The following LTBP3 variants were observed in gnomAD, a reference collection of about 807,000 sequenced individuals.
LTBP3 encodes latent-transforming growth factor beta-binding protein 3.
In LTBP3, 97 loss-of-function variants were observed where a neutral mutation model predicts 159.7. The observed-to-expected ratio is 0.61, with a 90% CI of 0.52 to 0.72. The LOEUF is 0.72. LTBP3 is among the 30% of genes least tolerant of loss of function. LTBP3 has a pLI of 0.00. For synonymous variants in LTBP3, 824 were observed against 777.1 expected (o/e 1.06, Z -1.00); for missense variants, 1,584 against 1,864.3 (o/e 0.85, Z 2.77).
In LTBP3 at chr11:65,551,764, A is replaced by G; in HGVS notation, c.1532-200T>C. ...TGATCAGGTTGAATGGCCTTGGGTT[A>G]CAGGTCAGGCTGTAGAAGGCTTAGG... is the stretch of plus-strand genomic sequence containing the variant. On this transcript the variant is annotated intron_variant, in intron 8 of 27. Coordinates refer to ENST00000301873, the MANE Select transcript of LTBP3 (RefSeq NM_001130144.3). 5 of 893,366 alleles carry G rather than the reference A, an allele frequency of 5.6e-6. No homozygotes were observed. In the South Asian group the frequency reaches 7.2e-5, roughly 13 times the overall value. 55.3% of individuals were successfully genotyped at this position (893,366 alleles called of 1,614,324 possible).
At chr11:65,545,466 C>T (rs746703194) in intron 16 of LTBP3, 41 of 231,946 alleles carry the variant, frequency 1.8e-4, no homozygotes, top group Non-Finnish European at 3.2e-4. Context: ...CCCAAACATG[C>T]CCACGCATGA....
chr11:65,549,754 C>CT (rs1420946269), intron 11 of LTBP3, among the ~76,000 whole-genome samples: 2 of 68,192 alleles, frequency 2.9e-5, no homozygotes, highest in Non-Finnish European at 3.1e-5. Flanking sequence ...CTCCCCAGGC[C>CT]GGGAAAAAAA....
At position 65,539,726 on chromosome 11, in the gene LTBP3, C is replaced by T. The variant is rs755762566; in HGVS notation, c.3541G>A (p.Gly1181Ser). 17 of 1,549,368 alleles carry T rather than the reference C, an allele frequency of 1.1e-5. No individual in the cohort carries two copies. The highest frequency in any genetic ancestry group is 1.7e-4 in the Middle Eastern group (1 of 5,970). The change falls in exon 25 of 28, where the codon GGC becomes AGC. Residue 1181 changes from glycine (G) to serine (S), a missense_variant. Transcript: ENST00000301873. ...TCCTCCCCGACTGCCTTACCCGCGC[C>T]GCGCGGCGGGCACGGTCGGCATTGG... ...GAQCRPCPPR[G>S]AGSHCPTSQS...
rs1856884172 is a variant in LTBP3, at chr11:65,558,273, G to A, written c.-314C>T. The A allele has an allele frequency of 1.0e-6, 1 of 971,856 alleles. No individual in the cohort carries two copies. The highest frequency in any genetic ancestry group is 1.2e-6 in the Non-Finnish European group (1 of 801,722). The allele number at this position is 971,856 out of a possible 1,614,324, so 60.2% of individuals were successfully genotyped here. On this transcript the variant is annotated 5_prime_UTR_variant, in exon 1 of 28. Coordinates refer to ENST00000301873, the MANE Select transcript of LTBP3 (RefSeq NM_001130144.3). ...CGAGGGAGAGGAAGGCCGGGCGGCC[G>A]GCCCGCTCCGCGCCTCCCCCTGGCC...
rs1565099555 is a variant in LTBP3 at position 65,552,327 on chromosome 11, G to T, written c.1266C>A (p.Arg422=). ...TGCAGCAGCAGAGCTGGCGGGTCAG[G>T]CGGGTGGTCAGTGGGTGCTGGCACT... ...EHQCQHPLTT[R]LTRQLCCCSV... is the part of the protein sequence containing the mutation. Residue 422 remains arginine (R), a synonymous_variant, in exon 7 of 28, where the codon CGC becomes CGA. Transcript: ENST00000301873. This position sits in a 1 kb window ranked among gnomAD's most constrained non-coding sequence, Gnocchi z 6.0. 6.2e-7 allele frequency: 1 copy of T among 1,614,118 alleles called. No homozygotes were observed. Among genetic ancestry groups the T allele is most frequent in the Non-Finnish European group, 8.5e-7 (1 of 1,180,006 alleles).
At position 65,538,974 on chromosome 11, in the gene LTBP3, T is replaced by C. The variant is rs1015717095; in HGVS notation, c.*106A>G. The C allele has an allele frequency of 9.9e-6, 13 of 1,313,316 alleles. No homozygotes were observed. Among genetic ancestry groups the C allele is most frequent in the Non-Finnish European group, 1.3e-5 (13 of 1,032,324 alleles). 81.4% of individuals were successfully genotyped at this position (1,313,316 alleles called of 1,614,324 possible). A position where few individuals can be genotyped will look rare whatever the true frequency, so the allele number is the denominator to read the frequency against. The stretch of plus-strand genomic sequence containing the variant: ...AGGCGCCGGGAGGGTCTGCGGGCCC[T>C]GAAGGTCCCTGGGTCCGAGCCACAA... On this transcript the variant is annotated 3_prime_UTR_variant, in exon 28 of 28. Coordinates refer to ENST00000301873, the MANE Select transcript of LTBP3 (RefSeq NM_001130144.3).
intron 11 of LTBP3, among the ~76,000 whole-genome samples, chr11:65,549,593 G>GTTTTTTTTTTTTTTT (rs1565097219): frequency 9.1e-6 from 1 of 109,890 alleles, no homozygotes; most frequent in Non-Finnish European, 1.7e-5. Flanking sequence ...TTTTTTTTTG[G>GTTTTTTTTTTTTTTT]ATTTTTAGTA....
Position 65,546,473 on chromosome 11 carries a change from G to C in LTBP3, c.2322C>G (p.Tyr774Ter), listed in dbSNP as rs121909145. The stretch of plus-strand genomic sequence containing the variant: ...AACTGCGGCCGTCGGGCGCGGGCGC[G>C]TAGCCCTGGGCACAGGTGCAGCGGA... Reference protein sequence around the residue: ...GSFRCTCAQGYAPAPDGRSCL... With the variant: ...GSFRCTCAQG The change falls in exon 16 of 28, where the codon TAC becomes TAG. Residue 774 changes from tyrosine (Y) to a stop codon, truncating the protein, a stop_gained. Coordinates refer to ENST00000301873, the MANE Select transcript of LTBP3 (RefSeq NM_001130144.3). LOFTEE classifies it high-confidence loss of function. The surrounding 1 kb of genome is among the most constrained non-coding windows in gnomAD (Gnocchi z 4.0). The C allele has an allele frequency of 1.9e-6, 3 of 1,586,552 alleles. No individual in the cohort carries two copies. The highest frequency in any genetic ancestry group is 2.3e-5 in the East Asian group (1 of 44,254).
chr11:65,547,827 A>T lies in LTBP3; in HGVS notation c.1847-6T>A. On this transcript the variant is annotated splice_polypyrimidine_tract_variant and splice_region_variant and intron_variant, in intron 12 of 27. Transcript: ENST00000301873. This position sits in a 1 kb window ranked among gnomAD's most constrained non-coding sequence, Gnocchi z 4.6. ...TGCCTCGCACTCGTTCACATCTGAG[A>T]AGAACGGGTAGGCCAAGAAAAGTCA... The T allele has an allele frequency of 6.2e-7, 1 of 1,613,278 alleles. No individual in the cohort carries two copies. The highest frequency in any genetic ancestry group is 8.5e-7 in the Non-Finnish European group (1 of 1,179,916).
In LTBP3 at chr11:65,552,065, G is replaced by A; in HGVS notation, c.1438C>T (p.Leu480Phe). Reference protein sequence around the residue: ...LTIQGESDFSLFLHPDGPPKP... With the variant: ...LTIQGESDFSFFLHPDGPPKP... ...GGTGGCCCGTCAGGGTGCAGGAAAA[G>A]GGAAAAGTCACTCTCGCCCTGAATG... Residue 480 changes from leucine (L) to phenylalanine (F), a missense_variant, in exon 8 of 28, where the codon CTT (leucine) becomes TTT (phenylalanine). Leu to Phe is a conservative substitution (Grantham distance 22, BLOSUM62 0). Around this residue, in one of 6 missense-constraint regions of LTBP3, gnomAD observed 565 missense variants for 677.7 expected, o/e 0.83. Transcript: ENST00000301873. The surrounding 1 kb of genome is among the most constrained non-coding windows in gnomAD (Gnocchi z 6.0). The A allele has an allele frequency of 1.2e-6, 2 of 1,614,124 alleles. No homozygotes were observed. The highest frequency in any genetic ancestry group is 1.7e-6 in the Non-Finnish European group (2 of 1,179,996).
intron 18 of LTBP3, chr11:65,542,320 G>C (rs915864781): frequency 6.1e-6 from 1 of 164,484 alleles, no homozygotes; most frequent in African/African-American, 2.4e-5. Context: ...GGGAGCCCTG[G>C]GTGATTGTTG....
Position 65,539,064 on chromosome 11 carries a change from G to A in LTBP3, c.*16C>T, listed in dbSNP as rs1855911769. On this transcript the variant is annotated 3_prime_UTR_variant, in exon 28 of 28. Transcript: ENST00000301873. ...AGTGATCACCGAGGTCTGGGCCGAG[G>A]GCGGCGTCGGCGGCGTCAGCGGCGG... 1.5e-6 allele frequency: 2 copies of A among 1,360,394 alleles called. No homozygotes were observed. The highest frequency in any genetic ancestry group is 9.5e-7 in the Non-Finnish European group (1 of 1,057,744). 84.3% of individuals were successfully genotyped at this position (1,360,394 alleles called of 1,614,324 possible). A position where few individuals can be genotyped will look rare whatever the true frequency, so the allele number is the denominator to read the frequency against.
intron 8 of LTBP3, 144 bp from the exon 9 acceptor site, chr11:65,551,708 G>A (rs1407580997): frequency 1.8e-6 from 2 of 1,110,252 alleles, no homozygotes; most frequent in African/African-American, 3.1e-5. Context: ...GTTAGATTCT[G>A]GGGTTAGGGT....
Position 65,540,145 on chromosome 11 carries a change from C to A in LTBP3, c.3253G>T (p.Glu1085Ter). 6.5e-7 allele frequency: 1 copy of A among 1,529,870 alleles called. No individual in the cohort carries two copies. The highest frequency in any genetic ancestry group is 8.8e-7 in the Non-Finnish European group (1 of 1,140,972). The allele number at this position is 1,529,870 out of a possible 1,614,324, so 94.8% of individuals were successfully genotyped here. Reference sequence around the variant, plus strand: ...CGGCAGGCTGCCGGGTCCTGGCACTCGTCCACGTCTACGAACAGCGAGGGG... The same window carrying A: ...CGGCAGGCTGCCGGGTCCTGGCACTAGTCCACGTCTACGAACAGCGAGGGG... Reference protein sequence around the residue: ...CLSPEEMDVDECQDPAACRPG... With the variant: ...CLSPEEMDVD The change falls in exon 24 of 28, where the codon GAG (glutamate) becomes TAG (stop). Residue 1085 changes from glutamate (E) to a stop codon, truncating the protein, a stop_gained. Coordinates refer to ENST00000301873, the MANE Select transcript of LTBP3 (RefSeq NM_001130144.3). LOFTEE classifies it high-confidence loss of function.
chr11:65,539,182 G>T lies in LTBP3; in HGVS notation c.3810C>A (p.Ser1270Arg). 2 of 1,514,314 alleles carry T rather than the reference G, an allele frequency of 1.3e-6. No homozygotes were observed. 93.8% of individuals were successfully genotyped at this position (1,514,314 alleles called of 1,614,324 possible). A position where few individuals can be genotyped will look rare whatever the true frequency, so the allele number is the denominator to read the frequency against. ...ELNQRGLLCK[S>R]ERCVNTSGSF... Reference sequence around the variant, plus strand: ...AGCCGCTGGTGTTCACGCAGCGCTCGCTCTTGCACAGCAGCCCGCGCTGGT... The same window carrying T: ...AGCCGCTGGTGTTCACGCAGCGCTCTCTCTTGCACAGCAGCCCGCGCTGGT... The change falls in exon 28 of 28, where the codon AGC (serine) becomes AGA (arginine). Residue 1270 changes from serine (S) to arginine (R), a missense_variant. This residue lies in a region of LTBP3 where 514 missense variants were observed against 530.3 expected (regional missense o/e 0.97). Transcript: ENST00000301873.
Position 65,552,387 on chromosome 11 carries a change from C to A in LTBP3, c.1206G>T (p.Lys402Asn), listed in dbSNP as rs776433345. 1.4e-5 allele frequency: 22 copies of A among 1,613,650 alleles called. No homozygotes were observed. Among genetic ancestry groups the A allele is most frequent in the Non-Finnish European group, 1.8e-5 (21 of 1,179,898 alleles). Residue 402 changes from lysine to asparagine, a missense_variant, in exon 7 of 28, where the codon AAG becomes AAT. Physicochemically the swap from Lys to Asn is moderately conservative, Grantham distance 94. Transcript: ENST00000301873. This position sits in a 1 kb window ranked among gnomAD's most constrained non-coding sequence, Gnocchi z 6.0. Reference sequence around the variant, plus strand: ...GGCTCACCAGGCGGAAACACAGGCTCTTCTCCTCCGGTTTGTCTGCTGCAG... The same window carrying A: ...GGCTCACCAGGCGGAAACACAGGCTATTCTCCTCCGGTTTGTCTGCTGCAG... ...TQCIADKPEE[K>N]SLCFRLVSPE...
rs780386738 is a variant in LTBP3 at position 65,541,240 on chromosome 11, CTG to C, written c.2777_2778del (p.Thr926SerfsTer67). ...KKECYLNFDD[T>X]VFCDSVLATN... ...GTGGCCAATACGCTGTCGCAGAACA[CTG>C]TGTCATCGAAGTTCAGGTAGCACTC... On this transcript the variant is annotated frameshift_variant, in exon 20 of 28. Coordinates refer to ENST00000301873, the MANE Select transcript of LTBP3 (RefSeq NM_001130144.3). LOFTEE classifies it high-confidence loss of function. 3.1e-6 allele frequency: 5 copies of C among 1,613,750 alleles called. No individual in the cohort carries two copies. The highest frequency in any genetic ancestry group is 3.4e-6 in the Non-Finnish European group (4 of 1,179,998).
chr11:65,557,456 GC>G (rs1487138787), intron 1 of LTBP3, among the ~76,000 whole-genome samples, 172 bp downstream of exon 1: 1 of 151,756 alleles, frequency 6.6e-6, no homozygotes, highest in Non-Finnish European at 1.5e-5. Flanking sequence ...TCCAACTCTG[GC>G]CCCCAGAGTT....
chr11:65,539,472 G>A lies in LTBP3; in HGVS notation c.3629-13C>T, dbSNP rs1389279163. ...GAACTGTCCTCATCTGCGTGGCCCG[G>A]AACAATATGGACTTCAACACTGAGC... On this transcript the variant is annotated splice_polypyrimidine_tract_variant and intron_variant, in intron 26 of 27. Coordinates refer to ENST00000301873, the MANE Select transcript of LTBP3 (RefSeq NM_001130144.3). 4 of 1,577,146 alleles carry A rather than the reference G, an allele frequency of 2.5e-6. No homozygotes were observed. The highest frequency in any genetic ancestry group is 3.4e-6 in the Non-Finnish European group (4 of 1,161,464).
Sources: gnomAD v4.1 joint callset for allele counts (sites outside exome capture counted in the v4.1 genomes callset) on GRCh38, gnomAD v4.1.1 for gene constraint, gnomAD v4.1.1 regional missense constraint, Gnocchi (gnomAD v3.1) non-coding constraint, MANE v1.5 for transcripts, NCBI Gene and HGNC (gene_info 2026-07-23, HGNC 2026-07-21) for gene names.